GPR26: variants seen among roughly 807,000 people sequenced by gnomAD.
GPR26 encodes the protein G protein-coupled receptor 26.
A neutral mutation model predicts 23.1 loss-of-function variants in GPR26; 15 were observed. The observed-to-expected ratio is 0.65, with a 90% CI of 0.43 to 1.00. GPR26 has a LOEUF of 1.00. Among genes scored for constraint, GPR26 ranks in the 50% least tolerant of loss-of-function variants. The probability of loss-of-function intolerance (pLI) is 0.00; values close to 1 mark genes in which losing one functional copy is unlikely to be tolerated. For synonymous variants in GPR26, 228 were observed against 222.1 expected, an observed-to-expected ratio of 1.03 and a Z score of -0.24; for missense variants, 359 against 470.5, an observed-to-expected ratio of 0.76 and a Z score of 2.19.
chr10:123,677,848 T>C (rs944394214), intron 2 of GPR26, among the ~76,000 whole-genome samples: 62 of 152,190 alleles, frequency 4.1e-4, no homozygotes. Context: ...CAGCAACAGG[T>C]GGCTACAGGG....
At chr10:123,667,588 T>TGC (rs1845202525) in intron 1 of GPR26, among the ~76,000 whole-genome samples, 1 of 150,318 alleles carries the variant, frequency 6.7e-6, no homozygotes, top group South Asian at 2.2e-4. Flanking sequence ...TGTGTGTGTG[T>TGC]GTGTGTGTGT....
At position 123,695,885 on chromosome 10, in the gene GPR26, G is replaced by A. The variant is rs765629933; in HGVS notation, c.*7725G>A. Among the ~76,000 whole-genome samples the A allele has an allele frequency of 3.9e-5, 6 of 152,088 alleles. No homozygotes were observed. Among genetic ancestry groups the A allele is most frequent in the Non-Finnish European group, 5.9e-5 (4 of 68,032 alleles). The stretch of plus-strand genomic sequence containing the variant: ...TCTTTTGGAGTGCAGAAACATTTGC[G>A]GAGTCTGGTGTGCCACCAACCCCAT... On this transcript the variant is annotated 3_prime_UTR_variant, in exon 3 of 3. Transcript: ENST00000284674.
rs1033246647 is a variant in GPR26 at position 123,677,626 on chromosome 10, G to T, written c.782+2695G>T. Among the ~76,000 whole-genome samples, 3 of 152,312 alleles carry T rather than the reference G, an allele frequency of 2.0e-5. No homozygotes were observed. In the East Asian group the frequency reaches 5.8e-4, roughly 29 times the overall value. On this transcript the variant is annotated intron_variant, in intron 2 of 2. Transcript: ENST00000284674. Reference sequence around the variant, plus strand: ...GACCCCGGGAGTTCCCCTCTGCTGGGGACATTGATCTTGTAGTCCTCTAAC... The same window carrying T: ...GACCCCGGGAGTTCCCCTCTGCTGGTGACATTGATCTTGTAGTCCTCTAAC...
At chr10:123,686,138 A>G (rs1271628351) in intron 2 of GPR26, among the ~76,000 whole-genome samples, 1 of 152,216 alleles carries the variant, frequency 6.6e-6, no homozygotes, top group Non-Finnish European at 1.5e-5. Context: ...GGATGGTTTG[A>G]TGATATCTGG....
At chr10:123,687,854 A>G in intron 2 of GPR26, 75 bp from the exon 3 acceptor site, 1 of 987,486 alleles carries the variant, frequency 1.0e-6, no homozygotes. Flanking sequence ...CAGGGCACAG[A>G]CAGGCCCTGG....
At chr10:123,667,600 T>TGTGTGA (rs1359354942) in intron 1 of GPR26, among the ~76,000 whole-genome samples, 1 of 139,178 alleles carries the variant, frequency 7.2e-6, no homozygotes, top group African/African-American at 2.7e-5. Flanking sequence ...TGTGTGTGTG[T>TGTGTGA]GAATTCTGAT....
At chr10:123,685,143 C>G (rs1219819) in intron 2 of GPR26, among the ~76,000 whole-genome samples, 143,572 of 152,170 alleles carry the variant, frequency 0.94, 67,883 homozygotes, top group Middle Eastern at 0.98. Context: ...CTGCCCACTA[C>G]TGACATGTGA....
intron 1 of GPR26, among the ~76,000 whole-genome samples, chr10:123,669,155 A>G (rs1285268744): frequency 6.6e-6 from 1 of 152,216 alleles, no homozygotes; most frequent in Non-Finnish European, 1.5e-5. Flanking sequence ...TGGAGAGAGA[A>G]AAGACTTCTG....
chr10:123,677,982 C>G (rs1287028933), intron 2 of GPR26, among the ~76,000 whole-genome samples: 1 of 152,156 alleles, frequency 6.6e-6, no homozygotes, highest in African/African-American at 2.4e-5. Flanking sequence ...CAGCAGCTGA[C>G]ACCTGTCATC....
intron 2 of GPR26, among the ~76,000 whole-genome samples, chr10:123,687,039 T>C (rs1451483863): frequency 6.6e-6 from 1 of 152,102 alleles, no homozygotes; most frequent in Non-Finnish European, 1.5e-5. Flanking sequence ...AGAATTCTGT[T>C]GAAGGCTTTC....
rs1057379655 is a variant in GPR26 at position 123,692,868 on chromosome 10, T to C, written c.*4708T>C. 2 of 152,072 alleles carry C rather than the reference T, an allele frequency of 1.3e-5. No homozygotes were observed. The highest frequency in any genetic ancestry group is 4.8e-5 in the African/African-American group (2 of 41,392). 9.4% of individuals were successfully genotyped at this position (152,072 alleles called of 1,614,324 possible). ...AGTGACCATGGGGAAACTGAGTGTT[T>C]CTATTAATAAGTATCTAAGTTTCAA... On this transcript the variant is annotated 3_prime_UTR_variant, in exon 3 of 3. Transcript: ENST00000284674.
intron 2 of GPR26, among the ~76,000 whole-genome samples, chr10:123,686,985 T>C (rs1845436654): frequency 6.6e-6 from 1 of 152,204 alleles, no homozygotes; most frequent in South Asian, 2.1e-4. Flanking sequence ...CCAAGGGTGC[T>C]GGACACACTT....
In GPR26 at chr10:123,691,167, C is replaced by T. The variant is rs923143270; in HGVS notation, c.*3007C>T. 1.3e-5 allele frequency: 2 copies of T among 152,130 alleles called. No homozygotes were observed. Among genetic ancestry groups the T allele is most frequent in the African/African-American group, 4.8e-5 (2 of 41,400 alleles). The allele number at this position is 152,130 out of a possible 1,614,324, so 9.4% of individuals were successfully genotyped here. On this transcript the variant is annotated 3_prime_UTR_variant, in exon 3 of 3. Coordinates refer to ENST00000284674, the MANE Select transcript of GPR26 (RefSeq NM_153442.4). ...GGAGGGGATTTTACAGCCGAGGGAC[C>T]TCCAAAGGGAACGTCCATTTGCATG... is the stretch of plus-strand genomic sequence containing the variant.
At chr10:123,686,845 C>T (rs1187785440) in intron 2 of GPR26, among the ~76,000 whole-genome samples, 2 of 152,182 alleles carry the variant, frequency 1.3e-5, no homozygotes, top group Non-Finnish European at 2.9e-5. Context: ...CAACCCCTTT[C>T]CCTCTCTGGG....
chr10:123,680,942 T>C (rs1845367620), intron 2 of GPR26, among the ~76,000 whole-genome samples: 1 of 151,416 alleles, frequency 6.6e-6, no homozygotes, highest in Non-Finnish European at 1.5e-5. Context: ...CTGGTTCAAG[T>C]GATTCTCCTG....
chr10:123,687,315 T>C (rs746952383), intron 2 of GPR26, among the ~76,000 whole-genome samples: 1 of 152,246 alleles, frequency 6.6e-6, no homozygotes, highest in Non-Finnish European at 1.5e-5. Flanking sequence ...CTTCCTTCCA[T>C]GCAACTTCCT....
chr10:123,670,033 G>A (rs35608616), intron 1 of GPR26, among the ~76,000 whole-genome samples: 37,708 of 152,116 alleles, frequency 0.25, 5,803 homozygotes, highest in Non-Finnish European at 0.36. Context: ...TATGGTTGCA[G>A]GGACCTTGCT....
intron 1 of GPR26, among the ~76,000 whole-genome samples, chr10:123,668,131 C>A (rs1214213387): frequency 6.6e-6 from 1 of 152,134 alleles, no homozygotes; most frequent in Non-Finnish European, 1.5e-5. Context: ...TGTGGGAGAA[C>A]CCTGGGAACC....
rs1845498647 is a variant in GPR26, at chr10:123,692,422, T to C, written c.*4262T>C. The C allele has an allele frequency of 6.6e-6, 1 of 152,290 alleles. No individual in the cohort carries two copies. Among genetic ancestry groups the C allele is most frequent in the South Asian group, 2.1e-4 (1 of 4,832 alleles). The allele number at this position is 152,290 out of a possible 1,614,324, so 9.4% of individuals were successfully genotyped here. A position where few individuals can be genotyped will look rare whatever the true frequency, so the allele number is the denominator to read the frequency against. ...AGAGACAGTTCTCCATGCCAGTATC[T>C]GGGTGTGGGTCTCTTGTTGGCTCCC... On this transcript the variant is annotated 3_prime_UTR_variant, in exon 3 of 3. Coordinates refer to ENST00000284674, the MANE Select transcript of GPR26 (RefSeq NM_153442.4).
Sources: gnomAD v4.1 joint callset for allele counts (sites outside exome capture counted in the v4.1 genomes callset) on GRCh38, gnomAD v4.1.1 for gene constraint, MANE v1.5 for transcripts, NCBI Gene and HGNC (gene_info 2026-07-23, HGNC 2026-07-21) for gene names.